ACOXL: variants seen among roughly 807,000 people sequenced by gnomAD.
ACOXL encodes acyl-CoA oxidase like, also known as acyl-coenzyme A oxidase-like protein.
ACOXL carries 70 observed loss-of-function variants against 71.9 expected under a neutral mutation model. That is an observed-to-expected ratio of 0.97 (90% CI 0.80 to 1.19). The LOEUF (loss-of-function observed/expected upper bound fraction) is 1.19. Ranked by LOEUF, ACOXL falls within the 50% of genes most tolerant of loss-of-function variation. ACOXL has a pLI of 0.00. For missense variants in ACOXL, 703 were observed against 736.3 expected (o/e 0.95, Z 0.52); for synonymous variants, 253 against 281.6 (o/e 0.90, Z 1.02).
intron 17 of ACOXL, chr2:111,100,961 T>G (rs2069114171): frequency 6.6e-6 from 1 of 152,662 alleles, no homozygotes; most frequent in South Asian, 2.1e-4. Flanking sequence ...GTTCAGTCAA[T>G]CAAACCGTTG....
intron 12 of ACOXL, among the ~76,000 whole-genome samples, chr2:110,978,807 T>C (rs755353248): frequency 1.2e-5 from 1 of 80,608 alleles, no homozygotes; most frequent in Non-Finnish European, 2.3e-5. Flanking sequence ...TGTAACAAAC[T>C]AAGTAGAATT....
chr2:110,812,671 G>A (rs1031604635), intron 9 of ACOXL, among the ~76,000 whole-genome samples: 5 of 152,246 alleles, frequency 3.3e-5, no homozygotes, highest in Non-Finnish European at 7.3e-5. Context: ...CTCAAAGACC[G>A]AAGAGCTAGA....
At chr2:110,979,763 A>C (rs2062621130) in intron 12 of ACOXL, among the ~76,000 whole-genome samples, 1 of 152,200 alleles carries the variant, frequency 6.6e-6, no homozygotes, top group African/African-American at 2.4e-5. Flanking sequence ...AGCACACCCG[A>C]GACTCAGATT....
intron 11 of ACOXL, among the ~76,000 whole-genome samples, chr2:110,927,500 A>G (rs575633402): frequency 9.9e-5 from 15 of 151,218 alleles, no homozygotes; most frequent in African/African-American, 3.4e-4. Flanking sequence ...TTCCCCTCAC[A>G]CTCTTGCTTC....
intron 16 of ACOXL, among the ~76,000 whole-genome samples, chr2:111,063,127 T>A (rs1480122513): frequency 6.6e-6 from 1 of 152,162 alleles, no homozygotes; most frequent in Non-Finnish European, 1.5e-5. Context: ...AACTATTGAG[T>A]AAATTAAATT....
At chr2:110,991,542 G>A (rs1388827449) in intron 13 of ACOXL, among the ~76,000 whole-genome samples, 1 of 151,142 alleles carries the variant, frequency 6.6e-6, no homozygotes, top group Non-Finnish European at 1.5e-5. Context: ...CAAAAGTATT[G>A]AACTAGTTTC....
chr2:111,028,806 G>T (rs974924889), intron 14 of ACOXL, among the ~76,000 whole-genome samples: 6 of 152,192 alleles, frequency 3.9e-5, no homozygotes, highest in African/African-American at 1.4e-4. Flanking sequence ...TTCATTCAAA[G>T]ATTTAAGTAT....
intron 10 of ACOXL, among the ~76,000 whole-genome samples, chr2:110,897,011 T>A (rs1009216721): frequency 7.9e-5 from 12 of 152,090 alleles, no homozygotes; most frequent in African/African-American, 2.9e-4. Context: ...TTTTAAAAAT[T>A]GAAGTCATAC....
chr2:110,818,349 G>T (rs1430364230), intron 9 of ACOXL, among the ~76,000 whole-genome samples: 1 of 144,638 alleles, frequency 6.9e-6, no homozygotes, highest in Non-Finnish European at 1.5e-5. Flanking sequence ...AGCCGAGATC[G>T]CACCACTGCA....
intron 10 of ACOXL, among the ~76,000 whole-genome samples, chr2:110,900,137 T>TA (rs11454407): frequency 0.32 from 47,154 of 148,594 alleles, 7,739 homozygotes; most frequent in Middle Eastern, 0.39. Flanking sequence ...ACACTTCTTC[T>TA]AAAAAAGTCA....
intron 12 of ACOXL, among the ~76,000 whole-genome samples, chr2:110,974,388 A>G (rs1341787888): frequency 6.6e-6 from 1 of 152,226 alleles, no homozygotes; most frequent in Non-Finnish European, 1.5e-5. Context: ...CCTTTAAGCA[A>G]GATGGAAAGT....
chr2:110,915,431 T>A (rs1026668147), intron 11 of ACOXL, among the ~76,000 whole-genome samples: 1 of 142,772 alleles, frequency 7.0e-6, no homozygotes, highest in African/African-American at 2.6e-5. Context: ...TATATATATT[T>A]TTTTTTTTTT....
intron 16 of ACOXL, 78 bp from the exon 17 acceptor site, chr2:111,092,785 TTC>T: frequency 1.0e-6 from 1 of 975,306 alleles, no homozygotes; most frequent in Admixed American, 2.0e-5. Flanking sequence ...ATTATGTTAT[TTC>T]TCTTTCGCCT....
intron 11 of ACOXL, among the ~76,000 whole-genome samples, chr2:110,929,302 G>C (rs1327511259): frequency 6.6e-6 from 1 of 152,188 alleles, no homozygotes; most frequent in African/African-American, 2.4e-5. Flanking sequence ...CTCTTTCTAT[G>C]TTTTAGCAAA....
At chr2:110,788,064 C>G (rs1175146891) in intron 3 of ACOXL, among the ~76,000 whole-genome samples, 1 of 152,108 alleles carries the variant, frequency 6.6e-6, no homozygotes, top group Non-Finnish European at 1.5e-5. Context: ...TATATAAAAT[C>G]AAAACGATAT....
At chr2:110,753,789 A>G (rs1352574091) in intron 1 of ACOXL, among the ~76,000 whole-genome samples, 2 of 152,212 alleles carry the variant, frequency 1.3e-5, no homozygotes, top group African/African-American at 2.4e-5. Context: ...TATGAAATCT[A>G]TGAGATCTTT....
chr2:110,839,495 G>A (rs551303406), intron 9 of ACOXL, among the ~76,000 whole-genome samples: 1 of 152,268 alleles, frequency 6.6e-6, no homozygotes, highest in South Asian at 2.1e-4. Flanking sequence ...TCCTAGTTGA[G>A]ATAGAGAATT....
chr2:110,798,767 G>A (rs557457400), intron 6 of ACOXL, 43 bp downstream of exon 6: 2 of 1,560,708 alleles, frequency 1.3e-6, no homozygotes, highest in Admixed American at 3.3e-5. Flanking sequence ...CTCTTCATTA[G>A]TACTATTTAC....
chr2:111,099,096 C>T (rs1413848863), intron 17 of ACOXL: 2 of 152,094 alleles, frequency 1.3e-5, no homozygotes, highest in Non-Finnish European at 2.9e-5. Flanking sequence ...CATTTGTAGT[C>T]CTCCTTGTTC....
Sources: allele counts gnomAD v4.1 joint callset (sites outside exome capture counted in the v4.1 genomes callset), GRCh38; gene constraint gnomAD v4.1.1; transcripts MANE v1.5; gene names NCBI Gene and HGNC (gene_info 2026-07-23, HGNC 2026-07-21).